Variants in BORCS5 observed in about 807,000 individuals in gnomAD.
BORCS5 encodes BLOC-1-related complex subunit 5.
In BORCS5, 17 loss-of-function variants were observed where a neutral mutation model predicts 22.1. The ratio of observed to expected loss-of-function variants is 0.77; its 90% CI spans 0.53 to 1.15. BORCS5 has a LOEUF of 1.15. Ranked by LOEUF, BORCS5 falls within the 50% of genes most tolerant of loss-of-function variation. BORCS5 has a pLI of 0.00. For synonymous variants in BORCS5, 117 were observed against 99.8 expected (o/e 1.17, Z -1.03); for missense variants, 247 against 253.2 (o/e 0.98, Z 0.17).
intron 2 of BORCS5, among the ~76,000 whole-genome samples, chr12:12,415,056 C>G (rs1474051673): frequency 7.5e-5 from 11 of 147,334 alleles, no homozygotes; most frequent in African/African-American, 2.2e-4. Context: ...ACGCTCCTCA[C>G]TTTCCAGACT....
intron 2 of BORCS5, among the ~76,000 whole-genome samples, chr12:12,369,407 G>A (rs1485551154): frequency 6.6e-6 from 1 of 152,064 alleles, no homozygotes; most frequent in Non-Finnish European, 1.5e-5. Flanking sequence ...TGTGTAAATT[G>A]ATATGGTTGG....
intron 3 of BORCS5, among the ~76,000 whole-genome samples, chr12:12,440,072 T>C (rs1298446760): frequency 1.3e-5 from 2 of 152,208 alleles, no homozygotes; most frequent in African/African-American, 4.8e-5. Context: ...TGGAAGTATA[T>C]AACCGGGATC....
chr12:12,457,624 C>T (rs1943022784), intron 3 of BORCS5, among the ~76,000 whole-genome samples: 2 of 152,168 alleles, frequency 1.3e-5, no homozygotes, highest in Admixed American at 6.5e-5. Context: ...GAGCCGAGAT[C>T]GCGCCACTGC....
intron 2 of BORCS5, among the ~76,000 whole-genome samples, chr12:12,426,231 A>T (rs993558532): frequency 6.6e-6 from 1 of 152,234 alleles, no homozygotes; most frequent in Non-Finnish European, 1.5e-5. Flanking sequence ...GCAGATGAGC[A>T]GTTGAACATT....
Position 12,470,265 on chromosome 12 carries a change from T to G in BORCS5, c.*4489T>G, listed in dbSNP as rs1231377890. 6.6e-6 allele frequency among the ~76,000 whole-genome samples: 1 copy of G among 152,166 alleles called. No individual in the cohort carries two copies. Among genetic ancestry groups the G allele is most frequent in the Non-Finnish European group, 1.5e-5 (1 of 68,030 alleles). ...TTTTATTTTTAGTAGAGATGGGGTT[T>G]CACCATGTTGGCCAGGCAGGTCTCA... On this transcript the variant is annotated 3_prime_UTR_variant, in exon 4 of 4. Transcript: ENST00000314565.
At chr12:12,458,247 A>G (rs1380747577) in intron 3 of BORCS5, among the ~76,000 whole-genome samples, 3 of 152,182 alleles carry the variant, frequency 2.0e-5, no homozygotes, top group Non-Finnish European at 2.9e-5. Context: ...CTTTGTCCCA[A>G]GAAGGTGAGA....
chr12:12,376,393 C>A (rs974614241), intron 2 of BORCS5, among the ~76,000 whole-genome samples: 2 of 151,882 alleles, frequency 1.3e-5, no homozygotes, highest in African/African-American at 4.8e-5. Context: ...GCCACCACGC[C>A]CGGCTAATTT....
Position 12,389,071 on chromosome 12 carries a change from A to G in BORCS5, c.202+27722A>G, listed in dbSNP as rs140035738. Among the ~76,000 whole-genome samples, 154 of 150,878 alleles carry G rather than the reference A, an allele frequency of 1.0e-3. 5 individuals are homozygous for G. Among genetic ancestry groups the G allele is most frequent in the African/African-American group, 3.5e-3 (145 of 40,990 alleles). ...TGAGGCAAATACTATGGGTTCATAT[A>G]GAAAGTACCAGATATTAACTATCTC... On this transcript the variant is annotated intron_variant, in intron 2 of 3. Transcript: ENST00000314565.
At chr12:12,455,150 A>C (rs1942975728) in intron 3 of BORCS5, among the ~76,000 whole-genome samples, 2 of 152,252 alleles carry the variant, frequency 1.3e-5, no homozygotes, top group South Asian at 4.1e-4. Context: ...ATAAAAGAGC[A>C]GAATTACATA....
intron 2 of BORCS5, among the ~76,000 whole-genome samples, chr12:12,412,770 T>G (rs568162738): frequency 3.3e-4 from 51 of 152,256 alleles, no homozygotes; most frequent in African/African-American, 1.2e-3. Flanking sequence ...TATATGGCTT[T>G]TATTATGTTG....
rs111662842 is a variant in BORCS5 at position 12,384,661 on chromosome 12, G to A, written c.202+23312G>A. On this transcript the variant is annotated intron_variant, in intron 2 of 3. Coordinates refer to ENST00000314565, the MANE Select transcript of BORCS5 (RefSeq NM_058169.6). ...AAACCTGTGAAATCTTTTTCCTGTG[G>A]TTTGTGGCCATTAATGTCTCTACTT... 8.3e-3 allele frequency among the ~76,000 whole-genome samples: 1,252 copies of A among 151,000 alleles called. 47 individuals are homozygous for A. Among genetic ancestry groups the A allele is most frequent in the African/African-American group, 0.028 (1,146 of 41,080 alleles).
intron 2 of BORCS5, among the ~76,000 whole-genome samples, chr12:12,379,717 T>C (rs889737327): frequency 2.0e-5 from 3 of 151,360 alleles, no homozygotes; most frequent in Non-Finnish European, 3.0e-5. Flanking sequence ...AGTGGAATGT[T>C]GGAGCTAGTT....
At chr12:12,370,402 A>G (rs1863500623) in intron 2 of BORCS5, among the ~76,000 whole-genome samples, 1 of 152,096 alleles carries the variant, frequency 6.6e-6, no homozygotes, top group Admixed American at 6.6e-5. Context: ...TGTAATTACT[A>G]AGTTTTTGAA....
intron 2 of BORCS5, among the ~76,000 whole-genome samples, chr12:12,408,351 G>GT (rs1404496263): frequency 2.0e-5 from 3 of 152,108 alleles, no homozygotes; most frequent in African/African-American, 7.2e-5. Flanking sequence ...GTAATTCTAT[G>GT]TTTATTTTTT....
intron 2 of BORCS5, among the ~76,000 whole-genome samples, chr12:12,418,380 C>G (rs114670093): frequency 6.6e-6 from 1 of 151,926 alleles, no homozygotes; most frequent in South Asian, 2.1e-4. Flanking sequence ...CTCTTGTAAC[C>G]GCTTTCAGTT....
intron 2 of BORCS5, among the ~76,000 whole-genome samples, chr12:12,430,437 C>T (rs987287746): frequency 1.2e-4 from 18 of 152,072 alleles, no homozygotes; most frequent in Non-Finnish European, 2.4e-4. Context: ...AGGCGTGAGC[C>T]ACTGTGCCTG....
At chr12:12,398,873 T>C (rs923526013) in intron 2 of BORCS5, among the ~76,000 whole-genome samples, 45 of 152,324 alleles carry the variant, frequency 3.0e-4, no homozygotes, top group African/African-American at 1.1e-3. Context: ...TGGAGTTATC[T>C]GGCTACATGA....
rs373867174 is a variant in BORCS5, at chr12:12,465,731, G to A, written c.546G>A (p.Arg182=). ...RLNSMLPEGE[R]LEPFSMKPDR... is the part of the protein sequence containing the mutation. ...ACAGCATGCTGCCCGAGGGCGAGCG[G>A]CTGGAGCCCTTCAGCATGAAGCCCG... The change falls in exon 4 of 4, where the codon CGG becomes CGA. Residue 182 remains arginine, a synonymous_variant. Transcript: ENST00000314565. The A allele has an allele frequency of 6.2e-6, 10 of 1,614,058 alleles. No homozygotes were observed. The highest frequency in any genetic ancestry group is 8.5e-6 in the Non-Finnish European group (10 of 1,180,036).
Position 12,357,146 on chromosome 12 carries a change from C to T in BORCS5, c.-306C>T. 2.0e-6 allele frequency: 3 copies of T among 1,533,248 alleles called. No homozygotes were observed. Among genetic ancestry groups the T allele is most frequent in the South Asian group, 1.2e-5 (1 of 83,924 alleles). The allele number at this position is 1,533,248 out of a possible 1,614,324, so 95.0% of individuals were successfully genotyped here. A position where few individuals can be genotyped will look rare whatever the true frequency, so the allele number is the denominator to read the frequency against. On this transcript the variant is annotated 5_prime_UTR_variant, in exon 1 of 4. Transcript: ENST00000314565. ...GAGTGAAAGCGGCGCCGCCCGCCGGCCGCAGGTGCGGCAAAGCCAGTGTCA... is the reference window on the plus strand; with the variant it reads ...GAGTGAAAGCGGCGCCGCCCGCCGGTCGCAGGTGCGGCAAAGCCAGTGTCA...
Sources: allele counts gnomAD v4.1 joint callset (sites outside exome capture counted in the v4.1 genomes callset), GRCh38; gene constraint gnomAD v4.1.1; transcripts MANE v1.5; gene names NCBI Gene and HGNC (gene_info 2026-07-23, HGNC 2026-07-21).